The following GARNL3 variants were observed in gnomAD, a reference collection of about 807,000 sequenced individuals.
The protein encoded by GARNL3 is GTPase-activating Rap/Ran-GAP domain-like protein 3.
Under a neutral mutation model 125.0 loss-of-function variants are expected in GARNL3, and 63 were observed. That is an observed-to-expected ratio of 0.50 (90% confidence interval 0.41 to 0.62). GARNL3 has a LOEUF of 0.62. GARNL3 is among the 20% of genes least tolerant of loss of function. The pLI is 0.00. For missense variants in GARNL3, 994 were observed against 1,244.0 expected (o/e 0.80, Z 3.02); for synonymous variants, 439 against 457.5 (o/e 0.96, Z 0.52).
chr9:127,255,262 T>A (rs941038618), intron 2 of GARNL3, among the ~76,000 whole-genome samples: 9 of 152,284 alleles, frequency 5.9e-5, no homozygotes, highest in African/African-American at 2.2e-4. Flanking sequence ...AATAGGAGAA[T>A]GGAGGATATT....
At chr9:127,230,878 C>A (rs1264903350) in intron 1 of GARNL3, among the ~76,000 whole-genome samples, 3 of 150,564 alleles carry the variant, frequency 2.0e-5, no homozygotes, top group Non-Finnish European at 4.4e-5. Flanking sequence ...ATTGGCTGAA[C>A]AAAACTTTTA....
At chr9:127,341,007 G>T (rs1007544667) in intron 13 of GARNL3, among the ~76,000 whole-genome samples, 3 of 152,078 alleles carry the variant, frequency 2.0e-5, no homozygotes, top group African/African-American at 4.8e-5. Flanking sequence ...ACCTTGGCAT[G>T]ATTCCACAAC....
chr9:127,305,677 A>G (rs940330844), intron 2 of GARNL3, among the ~76,000 whole-genome samples: 81 of 151,950 alleles, frequency 5.3e-4, no homozygotes, highest in African/African-American at 1.9e-3. Context: ...GGTTCAAGTG[A>G]TCCTCCCACC....
chr9:127,241,600 G>A (rs2063205292), intron 1 of GARNL3, among the ~76,000 whole-genome samples: 3 of 152,008 alleles, frequency 2.0e-5, no homozygotes, highest in Admixed American at 2.0e-4. Flanking sequence ...GCCCAGGAAA[G>A]GCAATGGGGG....
chr9:127,281,778 T>C (rs559700175), intron 1 of GARNL3, among the ~76,000 whole-genome samples: 2 of 152,352 alleles, frequency 1.3e-5, no homozygotes, highest in Admixed American at 6.5e-5. Context: ...CTCTTTTTGA[T>C]GCAGACATTT....
intron 6 of GARNL3, among the ~76,000 whole-genome samples, chr9:127,324,603 G>A (rs774851561): frequency 6.6e-6 from 1 of 152,170 alleles, no homozygotes; most frequent in Non-Finnish European, 1.5e-5. Flanking sequence ...GGAAAAGATG[G>A]GACTTCCTTG....
At chr9:127,389,265 T>C (rs1832706730) in intron 26 of GARNL3, 146 bp downstream of exon 26, 1 of 621,936 alleles carries the variant, frequency 1.6e-6, no homozygotes, top group Non-Finnish European at 2.8e-6. Flanking sequence ...AATACCTCTA[T>C]ACCAAGGAAT....
chr9:127,387,169 GTA>G, intron 24 of GARNL3, 22 bp from the exon 25 acceptor site: 1 of 1,605,630 alleles, frequency 6.2e-7, no homozygotes, highest in East Asian at 2.2e-5. Flanking sequence ...AGGCAGCCCG[GTA>G]ATGCTCTCTC....
intron 7 of GARNL3, among the ~76,000 whole-genome samples, chr9:127,330,133 C>T (rs1486887610): frequency 6.6e-6 from 1 of 152,246 alleles, no homozygotes; most frequent in Non-Finnish European, 1.5e-5. Context: ...CAGCAATCTT[C>T]AGTTTAACAA....
rs1319187630 is a variant in GARNL3, at chr9:127,311,502, G to A, written c.220-134G>A. 3 of 634,434 alleles carry A rather than the reference G, an allele frequency of 4.7e-6. No individual in the cohort carries two copies. In the East Asian group the frequency reaches 8.5e-5, roughly 18 times the overall value. The allele number at this position is 634,434 out of a possible 1,614,324, so 39.3% of individuals were successfully genotyped here. ...TTAGACTGGGTGTCTTTTCTAATGA[G>A]AACATGCAGCCACAGCCCTTGGGTG... On this transcript the variant is annotated intron_variant, in intron 2 of 27. Coordinates refer to ENST00000373387, the MANE Select transcript of GARNL3 (RefSeq NM_032293.5).
intron 2 of GARNL3, among the ~76,000 whole-genome samples, chr9:127,302,414 T>C (rs1333866187): frequency 6.6e-6 from 1 of 152,194 alleles, no homozygotes; most frequent in Non-Finnish European, 1.5e-5. Context: ...TCAATTTCTT[T>C]CAGTAGAGGA....
rs553805180 is a variant in GARNL3 at position 127,384,834 on chromosome 9, G to T, written c.2270-193G>T. Among the ~76,000 whole-genome samples the T allele has an allele frequency of 1.3e-5, 2 of 152,198 alleles. No homozygotes were observed. The highest frequency in any genetic ancestry group is 2.4e-5 in the African/African-American group (1 of 41,432). ...TCCTGGGAGGCGCAGTGTGGCAACCGAGGGGAGGCTGTCTTGGGAACCCAG... is the reference window on the plus strand; with the variant it reads ...TCCTGGGAGGCGCAGTGTGGCAACCTAGGGGAGGCTGTCTTGGGAACCCAG... On this transcript the variant is annotated intron_variant, in intron 23 of 27. Coordinates refer to ENST00000373387, the MANE Select transcript of GARNL3 (RefSeq NM_032293.5). The surrounding 1 kb of genome is among the most constrained non-coding windows in gnomAD (Gnocchi z 4.0).
chr9:127,336,929 A>G (rs1424332299), intron 11 of GARNL3, among the ~76,000 whole-genome samples: 1 of 152,232 alleles, frequency 6.6e-6, no homozygotes, highest in East Asian at 1.9e-4. Flanking sequence ...AAAAGGCAAC[A>G]AATCAGCATT....
Position 127,242,560 on chromosome 9 carries a change from A to G in GARNL3, c.-28-519A>G, listed in dbSNP as rs556907392. 5.2e-4 allele frequency among the ~76,000 whole-genome samples: 79 copies of G among 152,316 alleles called. No homozygotes were observed. Among genetic ancestry groups the G allele is most frequent in the Admixed American group, 7.2e-4 (11 of 15,302 alleles). On this transcript the variant is annotated intron_variant, in intron 1 of 10. Coordinates refer to the GARNL3 transcript ENST00000439286. The surrounding 1 kb of genome is among the most constrained non-coding windows in gnomAD (Gnocchi z 4.6). Reference sequence around the variant, plus strand: ...TTCAGCAAGCATTTACTGCTTATATATACTATCTGCTATTACTCTTGAACT... The same window carrying G: ...TTCAGCAAGCATTTACTGCTTATATGTACTATCTGCTATTACTCTTGAACT...
chr9:127,248,420 G>C (rs2063339524), intron 2 of GARNL3, among the ~76,000 whole-genome samples: 2 of 152,088 alleles, frequency 1.3e-5, no homozygotes, highest in Non-Finnish European at 2.9e-5. Flanking sequence ...TTCCCTTGCA[G>C]CTGACCTGGC....
intron 2 of GARNL3, among the ~76,000 whole-genome samples, chr9:127,243,703 C>T (rs1427880151): frequency 6.6e-6 from 1 of 152,088 alleles, no homozygotes; most frequent in East Asian, 1.9e-4. Context: ...TATATGGAAG[C>T]AAAAACATTA....
chr9:127,380,398 C>T (rs1257219686), intron 22 of GARNL3, among the ~76,000 whole-genome samples: 1 of 151,976 alleles, frequency 6.6e-6, no homozygotes, highest in Non-Finnish European at 1.5e-5. Flanking sequence ...CAGTAAATAA[C>T]ATTCTGAATA....
intron 22 of GARNL3, among the ~76,000 whole-genome samples, chr9:127,371,425 G>A (rs1273733677): frequency 1.3e-5 from 2 of 152,200 alleles, no homozygotes; most frequent in African/African-American, 4.8e-5. Context: ...GACAGGAGAA[G>A]GTGTGCCCTG....
chr9:127,387,760 A>G, intron 25 of GARNL3, among the ~76,000 whole-genome samples: 1 of 150,990 alleles, frequency 6.6e-6, no homozygotes, highest in East Asian at 2.0e-4. Context: ...AAAAAAAAAA[A>G]GAAAGAAATC....
Sources: allele counts gnomAD v4.1 joint callset (sites outside exome capture counted in the v4.1 genomes callset), GRCh38; gene constraint gnomAD v4.1.1; non-coding constraint Gnocchi (gnomAD v3.1); transcripts MANE v1.5; gene names NCBI Gene and HGNC (gene_info 2026-07-23, HGNC 2026-07-21).